The following SULT2B1 variants were observed in gnomAD, a reference collection of about 807,000 sequenced individuals.
SULT2B1 encodes the protein sulfotransferase 2B1.
SULT2B1 carries 16 observed loss-of-function variants against 33.2 expected under a neutral mutation model. The observed-to-expected ratio is 0.48, with a 90% CI of 0.33 to 0.73. The LOEUF (loss-of-function observed/expected upper bound fraction) is 0.73, where lower values mean the gene tolerates loss of function less well. SULT2B1 is among the 30% of genes least tolerant of loss of function. SULT2B1 has a pLI of 0.02. For missense variants in SULT2B1, 500 were observed against 506.0 expected (o/e 0.99, Z 0.11); for synonymous variants, 186 against 200.5 (o/e 0.93, Z 0.61).
At chr19:48,585,950 A>C (rs1973556325) in intron 2 of SULT2B1, among the ~76,000 whole-genome samples, 1 of 151,722 alleles carries the variant, frequency 6.6e-6, no homozygotes, top group Non-Finnish European at 1.5e-5. Flanking sequence ...CCTGCTGGGC[A>C]TGATGCCTCT....
At chr19:48,573,488 G>A (rs913058723) in intron 1 of SULT2B1, among the ~76,000 whole-genome samples, 2 of 152,164 alleles carry the variant, frequency 1.3e-5, no homozygotes, top group Non-Finnish European at 2.9e-5. Flanking sequence ...CCTGTTTTAG[G>A]AATGCGAGAA....
intron 5 of SULT2B1, among the ~76,000 whole-genome samples, chr19:48,595,305 CA>C (rs35280795): frequency 0.8 from 121,507 of 151,288 alleles, 49,380 homozygotes; most frequent in Middle Eastern, 0.87. Flanking sequence ...CAGAGGGGCA[CA>C]GGGGAGGACT....
At chr19:48,596,482 C>T (rs1326423099) in intron 5 of SULT2B1, 1 of 380,150 alleles carries the variant, frequency 2.6e-6, no homozygotes, top group African/African-American at 2.2e-5. Flanking sequence ...CTGCTGTGAC[C>T]TCTGCCCCCT....
In SULT2B1 at chr19:48,592,810, G is replaced by A. The variant is rs1421360939; in HGVS notation, c.639G>A (p.Leu213=). 4.1e-5 allele frequency: 64 copies of A among 1,564,978 alleles called. No individual in the cohort carries two copies. The highest frequency in any genetic ancestry group is 5.5e-5 in the Non-Finnish European group (63 of 1,153,580). Residue 213 remains leucine (L), a synonymous_variant, in exon 5 of 7, where the codon CTG becomes CTA. Transcript: ENST00000201586. The stretch of plus-strand genomic sequence containing the variant: ...TCCTATTTATCACCTACGAGGAGCT[G>A]CAGCAGGTGAGTCCCCACCTCCTCC... ...DNFLFITYEE[L]QQDLQGSVER... is the part of the protein sequence containing the mutation.
intron 2 of SULT2B1, among the ~76,000 whole-genome samples, chr19:48,582,174 G>A (rs762468875): frequency 6.6e-6 from 1 of 152,060 alleles, no homozygotes; most frequent in Non-Finnish European, 1.5e-5. Context: ...CAAAGTGCAG[G>A]GATTACAGGC....
At chr19:48,555,648 C>T (rs971522598) in intron 1 of SULT2B1, among the ~76,000 whole-genome samples, 4 of 151,606 alleles carry the variant, frequency 2.6e-5, no homozygotes, top group African/African-American at 9.7e-5. Flanking sequence ...AATCTCGGCT[C>T]ACTGCAATCT....
chr19:48,556,365 A>C (rs1973100206), intron 1 of SULT2B1, among the ~76,000 whole-genome samples: 1 of 152,160 alleles, frequency 6.6e-6, no homozygotes, highest in African/African-American at 2.4e-5. Flanking sequence ...GAATGAATGA[A>C]TGGAGGCTCC....
intron 1 of SULT2B1, among the ~76,000 whole-genome samples, chr19:48,570,497 A>AG (rs746895346): frequency 5.3e-4 from 80 of 151,658 alleles, no homozygotes; most frequent in Middle Eastern, 3.4e-3. Context: ...TTCATCGCTG[A>AG]GTAGTATCGC....
chr19:48,590,326 G>A (rs1973628073), intron 3 of SULT2B1, among the ~76,000 whole-genome samples: 1 of 152,072 alleles, frequency 6.6e-6, no homozygotes, highest in South Asian at 2.1e-4. Context: ...ACTAGGCTGG[G>A]CATGGTGGCT....
chr19:48,552,366 G>C lies in SULT2B1; in HGVS notation c.71+43G>C. 1 of 1,605,954 alleles carries C rather than the reference G, an allele frequency of 6.2e-7. No individual in the cohort carries two copies. Among genetic ancestry groups the C allele is most frequent in the Non-Finnish European group, 8.5e-7 (1 of 1,174,686 alleles). On this transcript the variant is annotated intron_variant, in intron 1 of 6. Coordinates refer to ENST00000201586, the MANE Select transcript of SULT2B1 (RefSeq NM_177973.2). The surrounding 1 kb of genome is among the most constrained non-coding windows in gnomAD (Gnocchi z 4.8). ...GCAGGAGCCAGGAGATCCCAGGGAGGAGGTGGCTGTTTGGGGGAGCCGGGG... is the reference window on the plus strand; with the variant it reads ...GCAGGAGCCAGGAGATCCCAGGGAGCAGGTGGCTGTTTGGGGGAGCCGGGG...
At chr19:48,592,991 C>CA (rs1423162162) in intron 5 of SULT2B1, among the ~76,000 whole-genome samples, 175 bp downstream of exon 5, 1 of 152,168 alleles carries the variant, frequency 6.6e-6, no homozygotes, top group East Asian at 1.9e-4. Flanking sequence ...AGACCACAGA[C>CA]AAAATCCCTA....
Position 48,587,217 on chromosome 19 carries a change from TTC to T in SULT2B1, c.215-9_215-8del. 1 of 1,597,016 alleles carries T rather than the reference TTC, an allele frequency of 6.3e-7. No homozygotes were observed. On this transcript the variant is annotated splice_polypyrimidine_tract_variant and intron_variant, in intron 2 of 6. Transcript: ENST00000201586. ...CCCACACCCAATTAATCTGCTCGAT[TTC>T]TCCCAACAGGCACGACCTGGATGAT... is the stretch of plus-strand genomic sequence containing the variant.
chr19:48,591,990 A>G (rs1040824399), intron 4 of SULT2B1, among the ~76,000 whole-genome samples: 8 of 151,888 alleles, frequency 5.3e-5, no homozygotes, highest in African/African-American at 1.9e-4. Flanking sequence ...AGACTGAGAG[A>G]GAGGGCAACA....
intron 2 of SULT2B1, among the ~76,000 whole-genome samples, chr19:48,578,937 T>G (rs1973449067): frequency 6.6e-6 from 1 of 151,988 alleles, no homozygotes; most frequent in Admixed American, 6.6e-5. Context: ...CAAGAAACTC[T>G]GGACCTATAA....
chr19:48,569,680 G>T (rs74694745), intron 1 of SULT2B1, among the ~76,000 whole-genome samples: 97,134 of 149,248 alleles, frequency 0.65, 32,012 homozygotes, highest in African/African-American at 0.76. Flanking sequence ...TTGGTTTTTT[G>T]TTCTGAGACA....
chr19:48,558,306 G>C (rs901007957), intron 1 of SULT2B1, among the ~76,000 whole-genome samples: 2 of 151,208 alleles, frequency 1.3e-5, no homozygotes, highest in Non-Finnish European at 3.0e-5. Flanking sequence ...AGCGAGATCC[G>C]GGAGGGAGAC....
chr19:48,587,332 C>T lies in SULT2B1; in HGVS notation c.318C>T (p.Thr106=). 6.2e-7 allele frequency: 1 copy of T among 1,614,016 alleles called. No homozygotes were observed. Among genetic ancestry groups the T allele is most frequent in the Non-Finnish European group, 8.5e-7 (1 of 1,180,000 alleles). The change falls in exon 3 of 7, where the codon ACC becomes ACT. Residue 106 remains threonine (T), a synonymous_variant. Transcript: ENST00000201586. ...GGGAGCGGGCACCCTGGTGTGAGAC[C>T]ATTGTGGGTGCCTTCAGCCTCCCGG... ...PIWERAPWCE[T]IVGAFSLPDQ... is the part of the protein sequence containing the mutation.
At chr19:48,573,994 G>C (rs543305221) in intron 1 of SULT2B1, among the ~76,000 whole-genome samples, 8 of 152,106 alleles carry the variant, frequency 5.3e-5, no homozygotes, top group Non-Finnish European at 8.8e-5. Flanking sequence ...CCAAGTAGCT[G>C]GGACTACACG....
chr19:48,574,935 G>GT (rs1421136382), intron 1 of SULT2B1, among the ~76,000 whole-genome samples: 1 of 152,080 alleles, frequency 6.6e-6, no homozygotes, highest in African/African-American at 2.4e-5. Context: ...AACAAACAAA[G>GT]TAACTGCAGT....
Sources: gnomAD v4.1 joint callset for allele counts (sites outside exome capture counted in the v4.1 genomes callset) on GRCh38, gnomAD v4.1.1 for gene constraint, Gnocchi (gnomAD v3.1) non-coding constraint, MANE v1.5 for transcripts, NCBI Gene and HGNC (gene_info 2026-07-23, HGNC 2026-07-21) for gene names.